SNAP25: variants seen among roughly 807,000 people sequenced by gnomAD.
The protein encoded by SNAP25 is synaptosomal-associated protein 25.
SNAP25 carries 3 observed loss-of-function variants against 28.7 expected under a neutral mutation model. The ratio of observed to expected loss-of-function variants is 0.10; its 90% CI spans 0.05 to 0.27. The LOEUF is 0.27. Among genes scored for constraint, SNAP25 ranks in the 10% least tolerant of loss-of-function variants. The pLI, the probability that SNAP25 is intolerant of heterozygous loss-of-function variation, is 1.00. For missense variants in SNAP25, 117 were observed against 278.7 expected, an observed-to-expected ratio of 0.42 and a Z score of 4.13; for synonymous variants, 61 against 88.1, an observed-to-expected ratio of 0.69 and a Z score of 1.72.
At chr20:10,261,495 A>C (rs2063413628) in intron 1 of SNAP25, among the ~76,000 whole-genome samples, 1 of 152,200 alleles carries the variant, frequency 6.6e-6, no homozygotes, top group South Asian at 2.1e-4. Context: ...CCCCTTATCT[A>C]TAGCAATGAA....
chr20:10,253,876 T>G (rs1294932832), intron 1 of SNAP25, among the ~76,000 whole-genome samples: 2 of 152,182 alleles, frequency 1.3e-5, no homozygotes, highest in Admixed American at 1.3e-4. Context: ...ACAAAGGGGC[T>G]GACCAGGCAG....
chr20:10,268,974 T>A (rs995328828), intron 1 of SNAP25, among the ~76,000 whole-genome samples: 2 of 145,994 alleles, frequency 1.4e-5, no homozygotes, highest in African/African-American at 5.2e-5. Flanking sequence ...GAAATTGTTT[T>A]GAGGGCCACA....
chr20:10,302,569 C>T (rs941086771), intron 7 of SNAP25, among the ~76,000 whole-genome samples: 1 of 152,134 alleles, frequency 6.6e-6, no homozygotes, highest in Non-Finnish European at 1.5e-5. Flanking sequence ...TCCTTCTAAA[C>T]TTTTACTGGC....
At chr20:10,257,108 G>A (rs1434231011) in intron 1 of SNAP25, among the ~76,000 whole-genome samples, 1 of 152,102 alleles carries the variant, frequency 6.6e-6, no homozygotes, top group African/African-American at 2.4e-5. Context: ...TGATTGAATT[G>A]GTCTGGGGTG....
chr20:10,306,320 G>A lies in SNAP25; in HGVS notation c.*123G>A. On this transcript the variant is annotated 3_prime_UTR_variant, in exon 8 of 8. Coordinates refer to ENST00000254976, the MANE Select transcript of SNAP25 (RefSeq NM_130811.4). Reference sequence around the variant, plus strand: ...ACATCAGTCCACCCCCATTGTGAATGTTGTCCTGTGTCATCTGTCAGCTTC... The same window carrying A: ...ACATCAGTCCACCCCCATTGTGAATATTGTCCTGTGTCATCTGTCAGCTTC... The A allele has an allele frequency of 1.3e-6, 1 of 778,888 alleles. No homozygotes were observed. The highest frequency in any genetic ancestry group is 2.1e-6 in the Non-Finnish European group (1 of 468,694). 48.2% of individuals were successfully genotyped at this position (778,888 alleles called of 1,614,324 possible).
intron 2 of SNAP25, 31 bp from the exon 3 acceptor site, chr20:10,277,654 A>G (rs1327440353): frequency 6.2e-7 from 1 of 1,604,850 alleles, no homozygotes; most frequent in Middle Eastern, 1.7e-4. Context: ...GCACTCATAA[A>G]GTTTATGTTT....
intron 1 of SNAP25, among the ~76,000 whole-genome samples, chr20:10,245,390 T>A (rs924530390): frequency 6.6e-6 from 1 of 152,070 alleles, no homozygotes; most frequent in Non-Finnish European, 1.5e-5. Context: ...TCAAAGCACA[T>A]CCTCATGCTG....
chr20:10,257,904 A>G (rs2122864902), intron 1 of SNAP25, among the ~76,000 whole-genome samples: 1 of 144,910 alleles, frequency 6.9e-6, no homozygotes, highest in South Asian at 2.2e-4. Flanking sequence ...AAAAAAAAAA[A>G]GTTCACCTGC....
intron 1 of SNAP25, among the ~76,000 whole-genome samples, chr20:10,248,907 A>G (rs1236554202): frequency 6.6e-6 from 1 of 152,184 alleles, no homozygotes; most frequent in African/African-American, 2.4e-5. Flanking sequence ...TGAGGCTGAT[A>G]TTACAGGTTC....
At chr20:10,305,910 T>C (rs1271772515) in intron 7 of SNAP25, among the ~76,000 whole-genome samples, 1 of 151,638 alleles carries the variant, frequency 6.6e-6, no homozygotes, top group African/African-American at 2.4e-5. Context: ...AAAAAATATA[T>C]TCGTTCATTA....
Position 10,293,791 on chromosome 20 carries a change from T to C in SNAP25, c.281+513T>C, listed in dbSNP as rs1243890877. Among the ~76,000 whole-genome samples the C allele has an allele frequency of 2.0e-5, 3 of 152,210 alleles. No homozygotes were observed. The highest frequency in any genetic ancestry group is 7.2e-5 in the African/African-American group (3 of 41,460). On this transcript the variant is annotated intron_variant, in intron 5 of 7. Transcript: ENST00000254976. This position sits in a 1 kb window ranked among gnomAD's most constrained non-coding sequence, Gnocchi z 5.6. ...ACTGCCCACCAGTTGCCAAATTTTG[T>C]CAATAGATGCTGCCACTGCACCCAA...
chr20:10,304,382 T>C (rs954538115), intron 7 of SNAP25, among the ~76,000 whole-genome samples: 1 of 152,186 alleles, frequency 6.6e-6, no homozygotes, highest in Admixed American at 6.5e-5. Context: ...TGAAAATTTT[T>C]TGACTCCCCC....
At chr20:10,290,671 C>T (rs1021744409) in intron 4 of SNAP25, among the ~76,000 whole-genome samples, 4 of 151,900 alleles carry the variant, frequency 2.6e-5, no homozygotes, top group Non-Finnish European at 5.9e-5. Context: ...ATTATCAACT[C>T]GCTTTGTAAC....
intron 1 of SNAP25, among the ~76,000 whole-genome samples, chr20:10,240,266 A>G (rs1168428739): frequency 1.3e-5 from 2 of 152,160 alleles, no homozygotes; most frequent in Non-Finnish European, 2.9e-5. Context: ...AGCCCAGCAG[A>G]AGAATCTCTC....
chr20:10,252,409 A>G (rs532021768), intron 1 of SNAP25, among the ~76,000 whole-genome samples: 2 of 152,354 alleles, frequency 1.3e-5, no homozygotes, highest in South Asian at 2.1e-4. Flanking sequence ...TACCACAGAT[A>G]TATCATTTGC....
intron 1 of SNAP25, among the ~76,000 whole-genome samples, chr20:10,253,841 G>A (rs563456836): frequency 1.3e-5 from 2 of 152,242 alleles, no homozygotes; most frequent in South Asian, 4.2e-4. Flanking sequence ...CACACCCTGG[G>A]ACTGGAAAAA....
In SNAP25 at chr20:10,275,518, T is replaced by C. The variant is rs1455256643; in HGVS notation, c.27T>C (p.Asn9=). The change falls in exon 2 of 8, where the codon AAT becomes AAC. Residue 9 remains asparagine, a synonymous_variant. Transcript: ENST00000254976. ...TGGCCGAAGACGCAGACATGCGCAA[T>C]GAGCTGGAGGAGATGCAGCGAAGGG... The part of the protein sequence containing the change: MAEDADMR[N]ELEEMQRRAD... The C allele has an allele frequency of 1.2e-6, 2 of 1,606,580 alleles. No homozygotes were observed. Among genetic ancestry groups the C allele is most frequent in the East Asian group, 4.5e-5 (2 of 44,726 alleles).
chr20:10,284,432 A>T (rs1351546816), intron 3 of SNAP25, among the ~76,000 whole-genome samples: 1 of 152,184 alleles, frequency 6.6e-6, no homozygotes, highest in Non-Finnish European at 1.5e-5. Context: ...ACAGTATAAT[A>T]TGAAGTATGT....
At chr20:10,261,430 T>C (rs1300281157) in intron 1 of SNAP25, among the ~76,000 whole-genome samples, 1 of 152,144 alleles carries the variant, frequency 6.6e-6, no homozygotes, top group Non-Finnish European at 1.5e-5. Flanking sequence ...GTTTGCACCC[T>C]CTACATGGGT....
Sources: gnomAD v4.1 joint callset for allele counts (sites outside exome capture counted in the v4.1 genomes callset) on GRCh38, gnomAD v4.1.1 for gene constraint, Gnocchi (gnomAD v3.1) non-coding constraint, MANE v1.5 for transcripts, NCBI Gene and HGNC (gene_info 2026-07-23, HGNC 2026-07-21) for gene names.